The following MBD6 variants were observed in gnomAD, a reference collection of about 807,000 sequenced individuals.
MBD6 encodes methyl-CpG-binding domain protein 6.
In MBD6, 22 loss-of-function variants were observed where a neutral mutation model predicts 66.8. That is an observed-to-expected ratio of 0.33 (90% CI 0.24 to 0.47). The LOEUF is 0.47. Ranked by LOEUF, MBD6 falls within the 20% of genes least tolerant of loss-of-function variation. The pLI, the probability that MBD6 is intolerant of heterozygous loss-of-function variation, is 1.00. For missense variants in MBD6, 1,322 were observed against 1,286.9 expected, an observed-to-expected ratio of 1.03 and a Z score of -0.42; for synonymous variants, 540 against 534.6, an observed-to-expected ratio of 1.01 and a Z score of -0.14.
At chr12:57,530,979 C>T (rs368573326), downstream of MBD6, among the ~76,000 whole-genome samples, 2 of 152,134 alleles carry the variant, frequency 1.3e-5, no homozygotes, top group East Asian at 1.9e-4. Flanking sequence ...AGGTAGGACT[C>T]GAGAATTCCC....
rs1879036804 is a variant in MBD6 at position 57,527,087 on chromosome 12, C to A, written c.1942C>A (p.Pro648Thr). 3 of 1,599,176 alleles carry A rather than the reference C, an allele frequency of 1.9e-6. No individual in the cohort carries two copies. In the African/African-American group the frequency reaches 4.0e-5, roughly 21 times the overall value. The change falls in exon 7 of 13, where the codon CCA (proline) becomes ACA (threonine). Residue 648 changes from proline (P) to threonine (T), a missense_variant. Coordinates refer to ENST00000355673, the MANE Select transcript of MBD6 (RefSeq NM_052897.4). ...GGGATCTGCAGAGGGAGCCGGGGGT[C>A]CAAGTGGGGAGCCATTTTCAGGCTT... ...GEGSAEGAGG[P>T]SGEPFSGLGD... is the part of the protein sequence containing the mutation.
Position 57,526,161 on chromosome 12 carries a change from C to A in MBD6, c.1193C>A (p.Pro398His), listed in dbSNP as rs144922560. The change falls in exon 6 of 13, where the codon CCC (proline) becomes CAC (histidine). Residue 398 changes from proline (P) to histidine (H), a missense_variant. Pro to His is a moderately conservative substitution (Grantham distance 77, BLOSUM62 -2). Coordinates refer to ENST00000355673, the MANE Select transcript of MBD6 (RefSeq NM_052897.4). ...RPRAPAPVPQ[P>H]FSLPEPSQPI... ...CGGGCCCCTGCTCCTGTCCCCCAACCCTTTTCTCTCCCGGAGCCATCCCAA... is the reference window on the plus strand; with the variant it reads ...CGGGCCCCTGCTCCTGTCCCCCAACACTTTTCTCTCCCGGAGCCATCCCAA... 6.2e-7 allele frequency: 1 copy of A among 1,614,196 alleles called. No individual in the cohort carries two copies. The highest frequency in any genetic ancestry group is 8.5e-7 in the Non-Finnish European group (1 of 1,180,034).
At chr12:57,528,880 C>T in intron 11 of MBD6, 66 bp from the exon 12 acceptor site, 1 of 1,612,326 alleles carries the variant, frequency 6.2e-7, no homozygotes, top group African/African-American at 1.3e-5. Flanking sequence ...AAGTTTCCCA[C>T]CCAAACTTCT....
chr12:57,528,693 C>T lies in MBD6; in HGVS notation c.2848C>T (p.Arg950Cys), dbSNP rs752756300. The change falls in exon 11 of 13, where the codon CGT (arginine) becomes TGT (cysteine). Residue 950 changes from arginine (R) to cysteine (C), a missense_variant. Coordinates refer to ENST00000355673, the MANE Select transcript of MBD6 (RefSeq NM_052897.4). The stretch of plus-strand genomic sequence containing the variant: ...GCCCCCGGGAGTAGTCAGAAAGTCT[C>T]GTCGTGGCCGTAGGAGAAAATACAA... Reference protein sequence around the residue: ...KVPPGVVRKSRRGRRRKYNPT... With the variant: ...KVPPGVVRKSCRGRRRKYNPT... 15 of 1,614,130 alleles carry T rather than the reference C, an allele frequency of 9.3e-6. No individual in the cohort carries two copies. The highest frequency in any genetic ancestry group is 5.0e-5 in the Admixed American group (3 of 60,016).
chr12:57,527,757 G>T lies in MBD6; in HGVS notation c.2237-91G>T, dbSNP rs184619201. 1.0e-4 allele frequency: 155 copies of T among 1,555,400 alleles called. 1 individual carries two copies. The East Asian group carries it at 3.3e-3, about 33-fold the overall frequency. On this transcript the variant is annotated intron_variant, in intron 8 of 12. Transcript: ENST00000355673. Reference sequence around the variant, plus strand: ...GAATAAATTGGGGAAGAAAGTCTTTGGCCACTGGATAAAGCCTAAAGAGAA... The same window carrying T: ...GAATAAATTGGGGAAGAAAGTCTTTTGCCACTGGATAAAGCCTAAAGAGAA...
At chr12:57,530,429 A>T (rs1879552310), downstream of MBD6, 1 of 417,108 alleles carries the variant, frequency 2.4e-6, no homozygotes, top group South Asian at 4.3e-5. Flanking sequence ...AGTATTGGAC[A>T]TGAGTTGGCA....
At chr12:57,530,802 CTT>C, downstream of MBD6, 4 of 1,583,060 alleles carry the variant, frequency 2.5e-6, no homozygotes, top group Non-Finnish European at 3.5e-6. Flanking sequence ...AGGTTTTACT[CTT>C]TGTCAGGTCC....
rs746890285 is a variant in MBD6, at chr12:57,525,573, G to T, written c.605G>T (p.Arg202Leu). Residue 202 changes from arginine (R) to leucine (L), a missense_variant, in exon 6 of 13, where the codon CGT (arginine) becomes CTT (leucine). Coordinates refer to ENST00000355673, the MANE Select transcript of MBD6 (RefSeq NM_052897.4). Reference protein sequence around the residue: ...PVPSGGSSSPRFLPRGNAPSP... With the variant: ...PVPSGGSSSPLFLPRGNAPSP... ...CCTTCTGGGGGCAGTAGCAGCCCCC[G>T]TTTCCTCCCAAGGGGCAATGCCCCC... The T allele has an allele frequency of 6.8e-6, 11 of 1,610,008 alleles. No homozygotes were observed. Among genetic ancestry groups the T allele is most frequent in the Non-Finnish European group, 9.3e-6 (11 of 1,177,946 alleles).
intron 12 of MBD6, 66 bp from the exon 13 acceptor site, chr12:57,529,094 G>C: frequency 1.9e-6 from 3 of 1,612,738 alleles, no homozygotes; most frequent in Non-Finnish European, 2.5e-6. Context: ...GAGGGAGTGG[G>C]GAGAAAAGAA....
chr12:57,523,672 T>TCCTG lies in MBD6; in HGVS notation c.-88-357_-88-356insCCTG, dbSNP rs528636933. 6.4e-3 allele frequency among the ~76,000 whole-genome samples: 976 copies of TCCTG among 152,276 alleles called. 6 individuals carry two copies. The highest frequency in any genetic ancestry group is 0.012 in the Non-Finnish European group (807 of 68,004). ...GTACTTTTTATATCATCTTCCTGGG[T>TCCTG]AGAGAACAACAGGAGCCAGACACTC... On this transcript the variant is annotated intron_variant, in intron 1 of 12. Transcript: ENST00000355673.
intron 2 of MBD6, 25 bp from the exon 3 acceptor site, chr12:57,524,255 C>A (rs753037928): frequency 7.2e-7 from 1 of 1,379,312 alleles, no homozygotes; most frequent in Non-Finnish European, 9.9e-7. Context: ...CCTCCTAGTG[C>A]CTACATGGAT....
At chr12:57,523,590 G>C (rs992476860) in intron 1 of MBD6, among the ~76,000 whole-genome samples, 1 of 152,194 alleles carries the variant, frequency 6.6e-6, no homozygotes, top group African/African-American at 2.4e-5. Context: ...GGGGAGTTCT[G>C]CTGGTACCAC....
downstream of MBD6, chr12:57,530,722 G>A (rs780905117): frequency 1.2e-6 from 2 of 1,613,890 alleles, no homozygotes; most frequent in Admixed American, 3.3e-5. Flanking sequence ...GTTCATCAAT[G>A]CTGGCAAAGT....
Position 57,527,226 on chromosome 12 carries a change from A to G in MBD6, c.2081A>G (p.Gln694Arg), listed in dbSNP as rs1879057594. 3 of 1,499,522 alleles carry G rather than the reference A, an allele frequency of 2.0e-6. No homozygotes were observed. Among genetic ancestry groups the G allele is most frequent in the Non-Finnish European group, 1.8e-6 (2 of 1,124,750 alleles). 92.9% of individuals were successfully genotyped at this position (1,499,522 alleles called of 1,614,324 possible). A position where few individuals can be genotyped will look rare whatever the true frequency, so the allele number is the denominator to read the frequency against. ...GATCCCCCCTCGGGGACACCCCCCC[A>G]GGTGAGGATGGGGGTGAGTAGGTGG... Reference protein sequence around the residue: ...TLDPPSGTPPQPCVLSAPQPG... With the variant: ...TLDPPSGTPPRPCVLSAPQPG... The change falls in exon 7 of 13, where the codon CAG becomes CGG. Residue 694 changes from glutamine to arginine, a missense_variant and splice_region_variant. Physicochemically the swap from Gln to Arg is conservative, Grantham distance 43. Transcript: ENST00000355673.
At chr12:57,530,840 A>G, downstream of MBD6, 1 of 1,341,224 alleles carries the variant, frequency 7.5e-7, no homozygotes, top group Non-Finnish European at 1.1e-6. Context: ...TGAGGACCTG[A>G]AGGAATTCTC....
At chr12:57,522,731 GGCTCCT>G (rs1878452614), upstream of MBD6, 2 of 155,742 alleles carry the variant, frequency 1.3e-5, no homozygotes, top group South Asian at 3.5e-4. Flanking sequence ...CGGAGGCGGC[GGCTCCT>G]GCGGCGGCGG....
chr12:57,527,897 G>A lies in MBD6; in HGVS notation c.2286G>A (p.Leu762=), dbSNP rs1879139876. ...GCCCTGGAGCCCTCCCCAGCCTGTT[G>A]CAGCCTCCTGGCCCTCTTCTCTCTG... ...TSSPGALPSL[L]QPPGPLLSGQ... Residue 762 remains leucine, a synonymous_variant, in exon 9 of 13, where the codon TTG becomes TTA. Transcript: ENST00000355673. The A allele has an allele frequency of 4.3e-6, 7 of 1,613,854 alleles. No individual in the cohort carries two copies. Among genetic ancestry groups the A allele is most frequent in the Non-Finnish European group, 4.2e-6 (5 of 1,179,976 alleles).
Position 57,527,581 on chromosome 12 carries a change from C to G in MBD6, c.2157C>G (p.Ala719=), listed in dbSNP as rs201250693. ...CCACGGCAACTACTGACCCGGGGGC[C>G]TCCTCTCTGGGCAAGGCCCCCTCCA... is the stretch of plus-strand genomic sequence containing the variant. ...SVTTATTDPG[A]SSLGKAPSNS... The change falls in exon 8 of 13, where the codon GCC becomes GCG. Residue 719 remains alanine, a synonymous_variant. Coordinates refer to ENST00000355673, the MANE Select transcript of MBD6 (RefSeq NM_052897.4). 26 of 1,614,064 alleles carry G rather than the reference C, an allele frequency of 1.6e-5. No individual in the cohort carries two copies. Among genetic ancestry groups the G allele is most frequent in the South Asian group, 1.3e-4 (12 of 91,088 alleles).
upstream of MBD6, chr12:57,521,153 A>C (rs1400749746): frequency 6.6e-6 from 1 of 152,280 alleles, no homozygotes; most frequent in East Asian, 1.9e-4. Context: ...GATTGTCGAC[A>C]TCTCGAGTCT....
Sources: gnomAD v4.1 joint callset for allele counts (sites outside exome capture counted in the v4.1 genomes callset) on GRCh38, gnomAD v4.1.1 for gene constraint, MANE v1.5 for transcripts, NCBI Gene and HGNC (gene_info 2026-07-23, HGNC 2026-07-21) for gene names.